The following AKAP8L variants were observed in gnomAD, a reference collection of about 807,000 sequenced individuals.
AKAP8L encodes the protein A-kinase anchor protein 8-like.
A neutral mutation model predicts 77.5 loss-of-function variants in AKAP8L; 34 were observed. That is an observed-to-expected ratio of 0.44 (90% CI 0.33 to 0.58). The LOEUF (loss-of-function observed/expected upper bound fraction) is 0.58, where lower values mean the gene tolerates loss of function less well. Among genes scored for constraint, AKAP8L ranks in the 20% least tolerant of loss-of-function variants. The probability of loss-of-function intolerance (pLI) is 0.02; values close to 1 mark genes in which losing one functional copy is unlikely to be tolerated. For synonymous variants in AKAP8L, 342 were observed against 340.7 expected (o/e 1.00, Z -0.04); for missense variants, 806 against 887.6 (o/e 0.91, Z 1.17).
rs1967942397 is a variant in AKAP8L, at chr19:15,403,636, G to C, written c.201C>G (p.His67Gln). The part of the protein sequence containing the change: ...TNYGYGMATS[H>Q]SWEMPSSDTN... ...TGTCAGAGCTAGGCATTTCCCAAGAGTGTGAAGTGGCCATACCATACCCAT... is the reference window on the plus strand; with the variant it reads ...TGTCAGAGCTAGGCATTTCCCAAGACTGTGAAGTGGCCATACCATACCCAT... The change falls in exon 4 of 14, where the codon CAC (histidine) becomes CAG (glutamine). Residue 67 changes from histidine to glutamine, a missense_variant. Around this residue, in one of 2 missense-constraint regions of AKAP8L, gnomAD observed 580 missense variants for 694.1 expected, o/e 0.84. Transcript: ENST00000397410. This position sits in a 1 kb window ranked among gnomAD's most constrained non-coding sequence, Gnocchi z 4.3. 6.2e-7 allele frequency: 1 copy of C among 1,613,958 alleles called. No homozygotes were observed. Among genetic ancestry groups the C allele is most frequent in the Non-Finnish European group, 8.5e-7 (1 of 1,179,856 alleles).
chr19:15,412,785 G>T (rs1053308262), intron 1 of AKAP8L, among the ~76,000 whole-genome samples: 1 of 152,120 alleles, frequency 6.6e-6, no homozygotes, highest in Admixed American at 6.6e-5. Context: ...CTTGTGATCC[G>T]CCCGCCTTGG....
rs989639705 is a variant in AKAP8L at position 15,380,199 on chromosome 19, C to T, written c.1864G>A (p.Ala622Thr). 28 of 1,507,680 alleles carry T rather than the reference C, an allele frequency of 1.9e-5. No homozygotes were observed. The African/African-American group carries it at 3.8e-4, about 20-fold the overall frequency. The allele number at this position is 1,507,680 out of a possible 1,614,324, so 93.4% of individuals were successfully genotyped here. The change falls in exon 14 of 14, where the codon GCG becomes ACG. Residue 622 changes from alanine to threonine, a missense_variant. Coordinates refer to ENST00000397410, the MANE Select transcript of AKAP8L (RefSeq NM_014371.4). The part of the protein sequence containing the change: ...EEGAVPLLGG[A>T]LQRQIRGIPG... ...ATGCCGCGGATCTGGCGTTGCAGCG[C>T]CCCTCCCAGCAAGGGCACGGCGCCC...
chr19:15,380,317 TGCGCCCTCC>T lies in AKAP8L; in HGVS notation c.1737_1745del (p.Ala582_Gly584del). On this transcript the variant is annotated inframe_deletion, in exon 14 of 14. Coordinates refer to ENST00000397410, the MANE Select transcript of AKAP8L (RefSeq NM_014371.4). ...CGGGAGGCTGCGCCGGCACGCCCTC[TGCGCCCTCC>T]GAGATCCCTGCCGCTTCGCCCTGCG... is the stretch of plus-strand genomic sequence containing the variant. 2 of 1,535,310 alleles carry T rather than the reference TGCGCCCTCC, an allele frequency of 1.3e-6. No homozygotes were observed. Among genetic ancestry groups the T allele is most frequent in the Non-Finnish European group, 1.7e-6 (2 of 1,146,320 alleles).
At chr19:15,417,898 A>G (rs1455833653) in intron 1 of AKAP8L, among the ~76,000 whole-genome samples, 2 of 152,128 alleles carry the variant, frequency 1.3e-5, no homozygotes, top group Non-Finnish European at 2.9e-5. Flanking sequence ...CCCAGTGATG[A>G]TTTACAGTCG....
At position 15,401,965 on chromosome 19, in the gene AKAP8L, G is replaced by A. The variant is rs1217763476; in HGVS notation, c.363-362C>T. On this transcript the variant is annotated intron_variant, in intron 4 of 13. Coordinates refer to ENST00000397410, the MANE Select transcript of AKAP8L (RefSeq NM_014371.4). This position sits in a 1 kb window ranked among gnomAD's most constrained non-coding sequence, Gnocchi z 6.2. ...AACGCCCAAGGCTGCTCCTCACAGG[G>A]CAAGGCTGAGCACCCCAGCACCCTG... 6.6e-6 allele frequency among the ~76,000 whole-genome samples: 1 copy of A among 152,200 alleles called. No homozygotes were observed. Among genetic ancestry groups the A allele is most frequent in the Non-Finnish European group, 1.5e-5 (1 of 68,024 alleles).
At position 15,398,575 on chromosome 19, in the gene AKAP8L, G is replaced by A. The variant is rs1178849559; in HGVS notation, c.1158-720C>T. 5.1e-6 allele frequency: 5 copies of A among 986,908 alleles called. No homozygotes were observed. Among genetic ancestry groups the A allele is most frequent in the East Asian group, 1.1e-4 (1 of 8,836 alleles). 61.1% of individuals were successfully genotyped at this position (986,908 alleles called of 1,614,324 possible). ...GGGGCCTGGGCCGGAGCAGGCCGCC[G>A]TGGCAAGGGGCGGAGGAGGCCAGCC... is the stretch of plus-strand genomic sequence containing the variant. On this transcript the variant is annotated intron_variant, in intron 9 of 13. Coordinates refer to ENST00000397410, the MANE Select transcript of AKAP8L (RefSeq NM_014371.4). This position sits in a 1 kb window ranked among gnomAD's most constrained non-coding sequence, Gnocchi z 9.2.
chr19:15,393,752 C>T (rs569301680), intron 12 of AKAP8L, among the ~76,000 whole-genome samples: 6 of 152,190 alleles, frequency 3.9e-5, no homozygotes, highest in Non-Finnish European at 7.4e-5. Flanking sequence ...GAAACCCCGT[C>T]TCTACTAAAA....
At chr19:15,400,518 T>C in intron 7 of AKAP8L, 160 bp from the exon 8 acceptor site, 2 of 774,380 alleles carry the variant, frequency 2.6e-6, no homozygotes, top group Admixed American at 5.6e-5. Flanking sequence ...AGCCCAGTTA[T>C]TTACAATGGC....
intron 12 of AKAP8L, among the ~76,000 whole-genome samples, chr19:15,390,829 C>T (rs1400344333): frequency 2.0e-5 from 3 of 152,134 alleles, no homozygotes; most frequent in Non-Finnish European, 4.4e-5. Context: ...ACATGATCAC[C>T]TCAACAGAGG....
intron 1 of AKAP8L, among the ~76,000 whole-genome samples, chr19:15,413,925 C>T (rs1445183342): frequency 1.3e-5 from 2 of 152,220 alleles, no homozygotes; most frequent in Non-Finnish European, 1.5e-5. Context: ...CCATCAAACC[C>T]TCCAAGATCA....
At chr19:15,400,001 A>C (rs911091671) in intron 8 of AKAP8L, 1 of 523,762 alleles carries the variant, frequency 1.9e-6, no homozygotes, top group African/African-American at 1.9e-5. Flanking sequence ...GACCGAGGGC[A>C]GGGGGCGTGC....
rs1385782127 is a variant in AKAP8L, at chr19:15,397,390, C to T, written c.1406-110G>A. ...TCCTCAACTCGCCCTGCCACTTCCA[C>T]CTGGGCCTGAGCCAAGGCTGGTCTC... On this transcript the variant is annotated intron_variant, in intron 11 of 13. Coordinates refer to ENST00000397410, the MANE Select transcript of AKAP8L (RefSeq NM_014371.4). This position sits in a 1 kb window ranked among gnomAD's most constrained non-coding sequence, Gnocchi z 4.7. The T allele has an allele frequency of 6.6e-7, 1 of 1,509,034 alleles. No homozygotes were observed. Among genetic ancestry groups the T allele is most frequent in the Non-Finnish European group, 9.1e-7 (1 of 1,103,324 alleles). 93.5% of individuals were successfully genotyped at this position (1,509,034 alleles called of 1,614,324 possible).
chr19:15,392,195 G>A (rs1967677709), intron 12 of AKAP8L, among the ~76,000 whole-genome samples: 1 of 152,138 alleles, frequency 6.6e-6, no homozygotes, highest in South Asian at 2.1e-4. Context: ...GAGGTTGTAG[G>A]GTATAATATC....
intron 1 of AKAP8L, among the ~76,000 whole-genome samples, chr19:15,415,023 T>A (rs1484633535): frequency 6.6e-6 from 1 of 152,198 alleles, no homozygotes; most frequent in Admixed American, 6.5e-5. Context: ...ATGTTACCCA[T>A]GCTGGTGTTG....
chr19:15,411,046 T>G (rs1968097712), intron 1 of AKAP8L, among the ~76,000 whole-genome samples: 2 of 152,264 alleles, frequency 1.3e-5, no homozygotes, highest in East Asian at 1.9e-4. Flanking sequence ...ATTCCTAGGC[T>G]TAAGCAATCC....
At chr19:15,416,867 G>A (rs1968217149) in intron 1 of AKAP8L, among the ~76,000 whole-genome samples, 1 of 152,146 alleles carries the variant, frequency 6.6e-6, no homozygotes, top group African/African-American at 2.4e-5. Flanking sequence ...CACCTTTTAT[G>A]TTTAATAATG....
rs779679617 is a variant in AKAP8L at position 15,404,003 on chromosome 19, C to T, written c.121+7G>A. 8.1e-6 allele frequency: 13 copies of T among 1,613,404 alleles called. No homozygotes were observed. The highest frequency in any genetic ancestry group is 1.3e-5 in the African/African-American group (1 of 75,034). On this transcript the variant is annotated splice_region_variant and intron_variant, in intron 3 of 13. Coordinates refer to ENST00000397410, the MANE Select transcript of AKAP8L (RefSeq NM_014371.4). ...GACAGGACAGCAATCACAGGAATGA[C>T]ACTTGCCTCTATTTGTCCCAGAGTT...
Position 15,397,937 on chromosome 19 carries a change from G to T in AKAP8L, c.1158-82C>A. On this transcript the variant is annotated intron_variant, in intron 9 of 13. Transcript: ENST00000397410. This position sits in a 1 kb window ranked among gnomAD's most constrained non-coding sequence, Gnocchi z 4.7. Reference sequence around the variant, plus strand: ...GCCGCCTCACCCAACCCAGACACAAGCCCTGAAACAGGCCTTGCTCACGGG... The same window carrying T: ...GCCGCCTCACCCAACCCAGACACAATCCCTGAAACAGGCCTTGCTCACGGG... 5.9e-6 allele frequency: 9 copies of T among 1,534,446 alleles called. No homozygotes were observed. The highest frequency in any genetic ancestry group is 7.1e-6 in the Non-Finnish European group (8 of 1,133,948).
intron 4 of AKAP8L, among the ~76,000 whole-genome samples, chr19:15,402,753 C>A (rs1967924066): frequency 6.6e-6 from 1 of 152,252 alleles, no homozygotes; most frequent in African/African-American, 2.4e-5. Flanking sequence ...CACCCACGCT[C>A]CTCACCAAAG....
Sources: allele counts gnomAD v4.1 joint callset (sites outside exome capture counted in the v4.1 genomes callset), GRCh38; gene constraint gnomAD v4.1.1; regional missense constraint gnomAD v4.1.1; non-coding constraint Gnocchi (gnomAD v3.1); transcripts MANE v1.5; gene names NCBI Gene and HGNC (gene_info 2026-07-23, HGNC 2026-07-21).